COL6A2: variants seen among roughly 807,000 people sequenced by gnomAD.
COL6A2 encodes the protein collagen alpha-2(VI) chain.
COL6A2 carries 90 observed loss-of-function variants against 124.9 expected under a neutral mutation model. The observed-to-expected ratio is 0.72, with a 90% CI of 0.61 to 0.86. COL6A2 has a LOEUF of 0.86. Among genes scored for constraint, COL6A2 ranks in the 40% least tolerant of loss-of-function variants. The pLI, the probability that COL6A2 is intolerant of heterozygous loss-of-function variation, is 0.00. For missense variants in COL6A2, 1,607 were observed against 1,502.5 expected (o/e 1.07, Z -1.15); for synonymous variants, 793 against 618.2 (o/e 1.28, Z -4.19).
rs921155164 is a variant in COL6A2, at chr21:46,116,115, C to A, written c.900+62C>A. The A allele has an allele frequency of 1.3e-6, 2 of 1,498,802 alleles. No individual in the cohort carries two copies. Among genetic ancestry groups the A allele is most frequent in the African/African-American group, 1.4e-5 (1 of 72,148 alleles). 92.8% of individuals were successfully genotyped at this position (1,498,802 alleles called of 1,614,324 possible). A position where few individuals can be genotyped will look rare whatever the true frequency, so the allele number is the denominator to read the frequency against. On this transcript the variant is annotated intron_variant, in intron 7 of 27. Transcript: ENST00000300527. The surrounding 1 kb of genome is among the most constrained non-coding windows in gnomAD (Gnocchi z 4.6). Reference sequence around the variant, plus strand: ...AGGCCCCAGCACTGCCAGGCAGGCTCCCCCCAGCCCAGCCTCGGCCTCAGC... The same window carrying A: ...AGGCCCCAGCACTGCCAGGCAGGCTACCCCCAGCCCAGCCTCGGCCTCAGC...
rs1360207261 is a variant in COL6A2 at position 46,129,059 on chromosome 21, C to T, written c.2461+2518C>T. ...CCAAGGCCGAGCCACACACCCGCTC[C>T]ACCTGCATTTCCTCTACCGACTCGC... On this transcript the variant is annotated intron_variant, in intron 27 of 27. Transcript: ENST00000300527. 4 of 1,600,086 alleles carry T rather than the reference C, an allele frequency of 2.5e-6. No individual in the cohort carries two copies. The African/African-American group carries it at 4.0e-5, about 16-fold the overall frequency.
intron 27 of COL6A2, among the ~76,000 whole-genome samples, chr21:46,128,411 A>G (rs989506825): frequency 6.6e-6 from 1 of 152,204 alleles, no homozygotes; most frequent in East Asian, 1.9e-4. Context: ...ACAGTGTTAA[A>G]TCGGCTTTCA....
chr21:46,122,949 C>G lies in COL6A2; in HGVS notation c.1671+12C>G, dbSNP rs369570961. On this transcript the variant is annotated intron_variant, in intron 21 of 27. Coordinates refer to ENST00000300527, the MANE Select transcript of COL6A2 (RefSeq NM_001849.4). ...AGAAAGGAGAGCCTGTGAGTGTCAC[C>G]GTCCCGAAGCCCACAGCAGCTGGGC... 3.1e-6 allele frequency: 5 copies of G among 1,612,328 alleles called. No homozygotes were observed. The highest frequency in any genetic ancestry group is 2.2e-5 in the South Asian group (2 of 91,050).
At chr21:46,121,441 G>T (rs1378841783) in intron 17 of COL6A2, 115 bp from the exon 18 acceptor site, 2 of 991,962 alleles carry the variant, frequency 2.0e-6, no homozygotes, top group Non-Finnish European at 3.2e-6. Context: ...CAGGCAGCAG[G>T]AGGAGCTGCG....
rs1397043100 is a variant in COL6A2 at position 46,124,159 on chromosome 21, A to G, written c.1672-492A>G. ...GATGGGTAAGTGAGTGGATAGATAG[A>G]TGGGTGGGTGGACAGAGGATGGGTG... On this transcript the variant is annotated intron_variant, in intron 21 of 27. Transcript: ENST00000300527. Among the ~76,000 whole-genome samples the G allele has an allele frequency of 2.7e-5, 4 of 147,832 alleles. No homozygotes were observed. In the East Asian group the frequency reaches 8.4e-4, roughly 31 times the overall value.
rs755612773 is a variant in COL6A2 at position 46,115,994 on chromosome 21, C to T, written c.856-15C>T. The T allele has an allele frequency of 5.6e-6, 9 of 1,611,724 alleles. No homozygotes were observed. Among genetic ancestry groups the T allele is most frequent in the South Asian group, 3.3e-5 (3 of 90,890 alleles). On this transcript the variant is annotated splice_polypyrimidine_tract_variant and intron_variant, in intron 6 of 27. Coordinates refer to ENST00000300527, the MANE Select transcript of COL6A2 (RefSeq NM_001849.4). ...CCCCAGGGCTGGGCTCACACTGCTGCGTTGTCCTTCACAGGGAGACCCGGG... is the reference window on the plus strand; with the variant it reads ...CCCCAGGGCTGGGCTCACACTGCTGTGTTGTCCTTCACAGGGAGACCCGGG...
In COL6A2 at chr21:46,111,528, A is replaced by C; in HGVS notation, c.52A>C (p.Ile18Leu). The change falls in exon 2 of 28, where the codon ATC becomes CTC. Residue 18 changes from isoleucine (I) to leucine (L), a missense_variant. Ile to Leu is a conservative substitution (Grantham distance 5, BLOSUM62 2). Transcript: ENST00000300527. ...VLLLWGILGA[I>L]QAQQQEVISP... Reference sequence around the variant, plus strand: ...CCTGCTCTGGGGAATCCTGGGGGCCATCCAGGCCCAGCAGCAGGAGGTCAT... The same window carrying C: ...CCTGCTCTGGGGAATCCTGGGGGCCCTCCAGGCCCAGCAGCAGGAGGTCAT... 1 of 1,612,944 alleles carries C rather than the reference A, an allele frequency of 6.2e-7. No individual in the cohort carries two copies. The highest frequency in any genetic ancestry group is 8.5e-7 in the Non-Finnish European group (1 of 1,179,892).
intron 16 of COL6A2, 80 bp downstream of exon 16, chr21:46,120,657 C>T (rs2078550535): frequency 3.0e-6 from 4 of 1,327,014 alleles, no homozygotes; most frequent in African/African-American, 1.6e-5. Flanking sequence ...GGTAGGGTGG[C>T]CGGGACTGCA....
Position 46,126,560 on chromosome 21 carries a change from A to G in COL6A2, c.2461+19A>G. The G allele has an allele frequency of 6.2e-7, 1 of 1,613,246 alleles. No homozygotes were observed. The highest frequency in any genetic ancestry group is 8.5e-7 in the Non-Finnish European group (1 of 1,179,890). On this transcript the variant is annotated intron_variant, in intron 27 of 27. Coordinates refer to ENST00000300527, the MANE Select transcript of COL6A2 (RefSeq NM_001849.4). ...CAAACAGGTAATGCAGGGCACCCTG[A>G]GCCACCACCCCAGACTAGCAAAGCA...
Position 46,132,817 on chromosome 21 carries a change from C to G in COL6A2, c.*265C>G, listed in dbSNP as rs1359625009. ...CCTACCTGGCCCCTGAGCTCTGGAGCAAGCCCTGACCCAATAAAGGCTTTG... is the reference window on the plus strand; with the variant it reads ...CCTACCTGGCCCCTGAGCTCTGGAGGAAGCCCTGACCCAATAAAGGCTTTG... On this transcript the variant is annotated 3_prime_UTR_variant, in exon 28 of 28. Transcript: ENST00000300527. The G allele has an allele frequency of 1.8e-6, 1 of 564,346 alleles. No individual in the cohort carries two copies. Among genetic ancestry groups the G allele is most frequent in the Admixed American group, 3.1e-5 (1 of 32,576 alleles). The allele number at this position is 564,346 out of a possible 1,614,324, so 35.0% of individuals were successfully genotyped here. A position where few individuals can be genotyped will look rare whatever the true frequency, so the allele number is the denominator to read the frequency against.
chr21:46,113,065 G>A (rs1601220375), intron 4 of COL6A2: 1 of 604,504 alleles, frequency 1.7e-6, no homozygotes, highest in African/African-American at 1.8e-5. Flanking sequence ...GTTACAAGGA[G>A]AGGTCGAGGG....
In COL6A2 at chr21:46,132,482, T is replaced by C; in HGVS notation, c.2990T>C (p.Phe997Ser). 1 of 1,607,370 alleles carries C rather than the reference T, an allele frequency of 6.2e-7. No individual in the cohort carries two copies. The highest frequency in any genetic ancestry group is 8.5e-7 in the Non-Finnish European group (1 of 1,178,418). The change falls in exon 28 of 28, where the codon TTC becomes TCC. Residue 997 changes from phenylalanine (F) to serine (S), a missense_variant. By Grantham distance (155) the Phe-to-Ser change is radical (BLOSUM62 -2). This residue lies in a region of COL6A2 where 1,223 missense variants were observed against 1,052.2 expected (regional missense o/e 1.16). Coordinates refer to ENST00000300527, the MANE Select transcript of COL6A2 (RefSeq NM_001849.4). ...TLSLGDRAAV[F>S]HEKDYDSLAQ... is the part of the protein sequence containing the mutation. ...AGCCTGGGTGACCGCGCCGCCGTGT[T>C]CCACGAGAAGGACTATGACAGCCTG...
chr21:46,103,958 A>C (rs2078312637), intron 1 of COL6A2, among the ~76,000 whole-genome samples: 1 of 152,202 alleles, frequency 6.6e-6, no homozygotes, highest in Admixed American at 6.5e-5. Context: ...GCAACCATAT[A>C]TGTGGAGAAA....
At chr21:46,129,560 A>C in intron 27 of COL6A2, 1 of 1,471,850 alleles carries the variant, frequency 6.8e-7, no homozygotes, top group East Asian at 2.4e-5. Flanking sequence ...TGCCCCCGAC[A>C]GGCTGGCTCT....
At chr21:46,103,125 C>A (rs947111468) in intron 1 of COL6A2, among the ~76,000 whole-genome samples, 1 of 152,060 alleles carries the variant, frequency 6.6e-6, no homozygotes, top group African/African-American at 2.4e-5. Flanking sequence ...TTTTCTATTT[C>A]TTCATGATTT....
intron 21 of COL6A2, among the ~76,000 whole-genome samples, chr21:46,123,965 G>A (rs891305057): frequency 1.4e-5 from 2 of 145,744 alleles, no homozygotes; most frequent in Non-Finnish European, 3.0e-5. Flanking sequence ...GGATAGATGG[G>A]TATGTGAGTG....
intron 15 of COL6A2, 68 bp from the exon 16 acceptor site, chr21:46,120,447 C>A: frequency 2.3e-6 from 3 of 1,324,564 alleles, no homozygotes; most frequent in Non-Finnish European, 3.2e-6. Flanking sequence ...GCCACACCCG[C>A]CTCTCACATG....
Position 46,125,458 on chromosome 21 carries a change from C to A in COL6A2, c.1817-7C>A, listed in dbSNP as rs1179084625. 2 of 1,612,672 alleles carry A rather than the reference C, an allele frequency of 1.2e-6. No homozygotes were observed. The highest frequency in any genetic ancestry group is 1.3e-5 in the African/African-American group (1 of 74,920). On this transcript the variant is annotated splice_region_variant and splice_polypyrimidine_tract_variant and intron_variant, in intron 24 of 27. Transcript: ENST00000300527. ...GGTACCCCCCGATGACCCTGCCACC[C>A]CCCCAGACTGTGAGAAGCGCTGTGG...
At position 46,116,525 on chromosome 21, in the gene COL6A2, G is replaced by C; in HGVS notation, c.927+122G>C. ...CCGGCCTGGTCTTTTCTCAGTGGTG[G>C]CTTTGGGGGCTCCTGGGGGGTCCTG... On this transcript the variant is annotated intron_variant, in intron 8 of 27. Transcript: ENST00000300527. The surrounding 1 kb of genome is among the most constrained non-coding windows in gnomAD (Gnocchi z 4.6). 1 of 1,575,178 alleles carries C rather than the reference G, an allele frequency of 6.3e-7. No homozygotes were observed. Among genetic ancestry groups the C allele is most frequent in the Non-Finnish European group, 8.7e-7 (1 of 1,150,090 alleles).
Sources: gnomAD v4.1 joint callset for allele counts (sites outside exome capture counted in the v4.1 genomes callset) on GRCh38, gnomAD v4.1.1 for gene constraint, gnomAD v4.1.1 regional missense constraint, Gnocchi (gnomAD v3.1) non-coding constraint, MANE v1.5 for transcripts, NCBI Gene and HGNC (gene_info 2026-07-23, HGNC 2026-07-21) for gene names.